Variants in ASTN1 observed in about 807,000 individuals in gnomAD.
ASTN1 encodes astrotactin-1.
Under a neutral mutation model 140.7 loss-of-function variants are expected in ASTN1, and 41 were observed. That is an observed-to-expected ratio of 0.29 (90% CI 0.23 to 0.38). The LOEUF is 0.38. ASTN1 is among the 10% of genes least tolerant of loss of function. The probability of loss-of-function intolerance (pLI) is 1.00; values close to 1 mark genes in which losing one functional copy is unlikely to be tolerated. For missense variants in ASTN1, 1,479 were observed against 1,678.8 expected, an observed-to-expected ratio of 0.88 and a Z score of 2.08; for synonymous variants, 640 against 652.2, an observed-to-expected ratio of 0.98 and a Z score of 0.29.
intron 22 of ASTN1, among the ~76,000 whole-genome samples, chr1:176,868,146 G>A (rs2103011375): frequency 6.6e-6 from 1 of 152,250 alleles, no homozygotes; most frequent in African/African-American, 2.4e-5. Flanking sequence ...AAAAATTTCA[G>A]TCTTTCCAGG....
chr1:176,882,983 T>G lies in ASTN1; in HGVS notation c.3238A>C (p.Ser1080Arg). 1 of 1,614,036 alleles carries G rather than the reference T, an allele frequency of 6.2e-7. No homozygotes were observed. The highest frequency in any genetic ancestry group is 2.2e-5 in the East Asian group (1 of 44,872). The change falls in exon 20 of 23, where the codon AGC becomes CGC. Residue 1080 changes from serine (S) to arginine (R), a missense_variant. By Grantham distance (110) the Ser-to-Arg change is moderately radical. This residue lies in a region of ASTN1 where 746 missense variants were observed against 800.9 expected (regional missense o/e 0.93). Transcript: ENST00000361833. ...CCAGAGATGATGTCGTCCACAAAGC[T>G]CAGCACTGTTTCTGCCCAGAGGAGA... ...HSKVETETVL[S>R]FVDDIISGAK...
intron 2 of ASTN1, 102 bp downstream of exon 2, chr1:177,060,976 T>G (rs1317576237): frequency 8.5e-7 from 1 of 1,177,186 alleles, no homozygotes; most frequent in Non-Finnish European, 1.1e-6. Flanking sequence ...CAATGATCAT[T>G]ACAGAGTTAG....
intron 2 of ASTN1, among the ~76,000 whole-genome samples, chr1:177,052,813 A>C (rs982956486): frequency 1.9e-4 from 29 of 152,228 alleles, no homozygotes; most frequent in Admixed American, 1.6e-3. Context: ...AAATTATTCC[A>C]TAACCTGGAA....
Position 177,099,329 on chromosome 1 carries a change from A to T in ASTN1, c.284-38064T>A, listed in dbSNP as rs187070429. On this transcript the variant is annotated intron_variant, in intron 1 of 22. Coordinates refer to ENST00000361833, the MANE Select transcript of ASTN1 (RefSeq NM_004319.3). Reference sequence around the variant, plus strand: ...ATAATCTTTTTTAAAGTCCTCGCTTATATTTTATGATCTGTACAGGCGGTT... The same window carrying T: ...ATAATCTTTTTTAAAGTCCTCGCTTTTATTTTATGATCTGTACAGGCGGTT... Among the ~76,000 whole-genome samples the T allele has an allele frequency of 2.4e-3, 359 of 152,256 alleles. 1 individual carries two copies. The highest frequency in any genetic ancestry group is 4.0e-3 in the Non-Finnish European group (272 of 68,002).
intron 8 of ASTN1, among the ~76,000 whole-genome samples, chr1:177,011,704 C>T (rs972732893): frequency 1.3e-5 from 2 of 151,284 alleles, no homozygotes; most frequent in Non-Finnish European, 3.0e-5. Flanking sequence ...ACACCACACA[C>T]ATGCATACAC....
At chr1:177,153,269 C>G (rs539238674) in intron 1 of ASTN1, among the ~76,000 whole-genome samples, 1 of 152,192 alleles carries the variant, frequency 6.6e-6, no homozygotes, top group East Asian at 1.9e-4. Context: ...GATATCTTAC[C>G]AGGTAATCTC....
intron 17 of ASTN1, among the ~76,000 whole-genome samples, chr1:176,891,190 T>C (rs1010004763): frequency 1.3e-5 from 2 of 152,210 alleles, no homozygotes; most frequent in Non-Finnish European, 2.9e-5. Flanking sequence ...GTATCTACAA[T>C]GTACCCAGCA....
intron 1 of ASTN1, among the ~76,000 whole-genome samples, chr1:177,104,171 A>G (rs1331356103): frequency 6.6e-6 from 1 of 152,090 alleles, no homozygotes; most frequent in Non-Finnish European, 1.5e-5. Context: ...AGTTCTCCCC[A>G]GCACAGACTT....
intron 8 of ASTN1, among the ~76,000 whole-genome samples, chr1:176,978,009 T>C (rs1003187706): frequency 2.0e-5 from 3 of 152,100 alleles, no homozygotes; most frequent in African/African-American, 7.2e-5. Context: ...TGTTCAAGGG[T>C]CATGGAAAAG....
chr1:176,997,455 T>C (rs1184436033), intron 8 of ASTN1, among the ~76,000 whole-genome samples: 1 of 152,042 alleles, frequency 6.6e-6, no homozygotes, highest in African/African-American at 2.4e-5. Context: ...AGGACTATTG[T>C]GAGGATCAAA....
chr1:176,922,132 T>C (rs1195713675), intron 16 of ASTN1, among the ~76,000 whole-genome samples: 1 of 152,156 alleles, frequency 6.6e-6, no homozygotes, highest in Non-Finnish European at 1.5e-5. Context: ...TAAAGCAGGA[T>C]TGTTCATGAA....
intron 1 of ASTN1, among the ~76,000 whole-genome samples, chr1:177,123,173 G>C (rs372720381): frequency 8.5e-5 from 13 of 152,170 alleles, no homozygotes; most frequent in African/African-American, 2.9e-4. Context: ...GGGAACCAGT[G>C]CATGCTGAGT....
intron 8 of ASTN1, among the ~76,000 whole-genome samples, chr1:177,009,709 T>A (rs1385850649): frequency 6.6e-6 from 1 of 152,152 alleles, no homozygotes; most frequent in African/African-American, 2.4e-5. Flanking sequence ...GTGCATTGCC[T>A]CCAGAGCAGG....
At chr1:177,132,199 G>C (rs1010895351) in intron 1 of ASTN1, among the ~76,000 whole-genome samples, 2 of 152,144 alleles carry the variant, frequency 1.3e-5, no homozygotes. Flanking sequence ...GGAAAGTATT[G>C]CATTTCTAAA....
intron 14 of ASTN1, among the ~76,000 whole-genome samples, chr1:176,939,743 A>T (rs1671633451): frequency 6.6e-6 from 1 of 151,876 alleles, no homozygotes; most frequent in Non-Finnish European, 1.5e-5. Context: ...TATGCTTGAA[A>T]AAAGAATGAC....
At chr1:176,916,217 CA>C (rs1670474242) in intron 16 of ASTN1, among the ~76,000 whole-genome samples, 1 of 152,158 alleles carries the variant, frequency 6.6e-6, no homozygotes, top group African/African-American at 2.4e-5. Flanking sequence ...CATGGTCAAA[CA>C]CAGGTTATTT....
intron 8 of ASTN1, among the ~76,000 whole-genome samples, chr1:176,998,148 T>C (rs1157759607): frequency 6.6e-6 from 1 of 152,118 alleles, no homozygotes; most frequent in African/African-American, 2.4e-5. Context: ...GGTCACTCTA[T>C]CTCCTTTTAT....
intron 1 of ASTN1, among the ~76,000 whole-genome samples, chr1:177,142,026 T>C (rs6667502): frequency 0.6 from 91,942 of 151,990 alleles, 30,216 homozygotes; most frequent in African/African-American, 0.88. Context: ...ATGCCCTTCA[T>C]GCATCCAGGG....
intron 2 of ASTN1, among the ~76,000 whole-genome samples, chr1:177,051,854 T>C (rs924322491): frequency 2.0e-5 from 3 of 152,168 alleles, no homozygotes; most frequent in Non-Finnish European, 2.9e-5. Context: ...ATAACAATCT[T>C]GTATGTGTGG....
Sources: gnomAD v4.1 joint callset for allele counts (sites outside exome capture counted in the v4.1 genomes callset) on GRCh38, gnomAD v4.1.1 for gene constraint, gnomAD v4.1.1 regional missense constraint, MANE v1.5 for transcripts, NCBI Gene and HGNC (gene_info 2026-07-23, HGNC 2026-07-21) for gene names.